The following FAF1 variants were observed in gnomAD, a reference collection of about 807,000 sequenced individuals.
FAF1 encodes the protein Fas associated factor 1.
A neutral mutation model predicts 92.5 loss-of-function variants in FAF1; 25 were observed. The observed-to-expected ratio is 0.27, with a 90% CI of 0.20 to 0.38. The LOEUF (loss-of-function observed/expected upper bound fraction) is 0.38, where lower values mean the gene tolerates loss of function less well. FAF1 is among the 10% of genes least tolerant of loss of function. The pLI is 1.00. For missense variants in FAF1, 636 were observed against 793.3 expected (o/e 0.80, Z 2.38); for synonymous variants, 234 against 273.2 (o/e 0.86, Z 1.42).
intron 18 of FAF1, among the ~76,000 whole-genome samples, chr1:50,454,666 A>G (rs1646331316): frequency 6.6e-6 from 1 of 152,230 alleles, no homozygotes; most frequent in Non-Finnish European, 1.5e-5. Context: ...CAGTGTTTAA[A>G]GTGGAATGCA....
chr1:50,587,784 T>C (rs908641435), intron 9 of FAF1, among the ~76,000 whole-genome samples: 1 of 152,206 alleles, frequency 6.6e-6, no homozygotes, highest in Non-Finnish European at 1.5e-5. Context: ...ACAGAGTGAT[T>C]AGTGCTATGA....
intron 8 of FAF1, among the ~76,000 whole-genome samples, chr1:50,635,601 T>C (rs1200155040): frequency 6.6e-6 from 1 of 152,134 alleles, no homozygotes. Flanking sequence ...AATTTTTGTA[T>C]TTTTGATAGA....
Position 50,439,626 on chromosome 1 carries a change from G to A in FAF1, c.*1814C>T, listed in dbSNP as rs962082104. The A allele has an allele frequency of 2.6e-5, 4 of 152,152 alleles. No homozygotes were observed. Among genetic ancestry groups the A allele is most frequent in the Non-Finnish European group, 4.4e-5 (3 of 68,028 alleles). 9.4% of individuals were successfully genotyped at this position (152,152 alleles called of 1,614,324 possible). ...CTCAAACCCCACCCACACCCCTGCTGCTGTTCCTGAGTATGACCTGAGTTC... is the reference window on the plus strand; with the variant it reads ...CTCAAACCCCACCCACACCCCTGCTACTGTTCCTGAGTATGACCTGAGTTC... On this transcript the variant is annotated 3_prime_UTR_variant, in exon 19 of 19. Transcript: ENST00000396153.
intron 8 of FAF1, among the ~76,000 whole-genome samples, chr1:50,637,470 A>G (rs1654087045): frequency 6.6e-6 from 1 of 151,818 alleles, no homozygotes; most frequent in East Asian, 2.0e-4. Flanking sequence ...GAAAACAAAA[A>G]AAAAAACCCA....
intron 1 of FAF1, among the ~76,000 whole-genome samples, chr1:50,874,912 G>A (rs1311220114): frequency 6.6e-6 from 1 of 151,324 alleles, no homozygotes; most frequent in African/African-American, 2.4e-5. Context: ...TGAGACTACA[G>A]CCATGGACCA....
At chr1:50,556,283 C>A (rs562387435) in intron 13 of FAF1, among the ~76,000 whole-genome samples, 3 of 150,198 alleles carry the variant, frequency 2.0e-5, no homozygotes, top group Admixed American at 2.0e-4. Context: ...CTGCAACAAC[C>A]TGGATGAAAC....
chr1:50,952,958 G>A (rs1463174765), intron 1 of FAF1, among the ~76,000 whole-genome samples: 1 of 152,262 alleles, frequency 6.6e-6, no homozygotes, highest in Non-Finnish European at 1.5e-5. Flanking sequence ...AGAAAAGGGG[G>A]AAATGTGGGG....
At chr1:50,502,651 G>C (rs1171888851) in intron 15 of FAF1, among the ~76,000 whole-genome samples, 3 of 152,276 alleles carry the variant, frequency 2.0e-5, no homozygotes, top group Middle Eastern at 3.4e-3. Flanking sequence ...TCAGCAGCCT[G>C]TTTTAAGATC....
intron 8 of FAF1, among the ~76,000 whole-genome samples, chr1:50,638,247 T>C (rs1220181781): frequency 6.6e-6 from 1 of 152,084 alleles, no homozygotes; most frequent in African/African-American, 2.4e-5. Flanking sequence ...ACTAAATATT[T>C]TGTAAAACAA....
At chr1:50,674,715 A>C (rs1656042571) in intron 7 of FAF1, among the ~76,000 whole-genome samples, 1 of 152,138 alleles carries the variant, frequency 6.6e-6, no homozygotes. Context: ...ACAGCCTGGC[A>C]ATCATAGCCA....
intron 15 of FAF1, among the ~76,000 whole-genome samples, chr1:50,512,118 C>A (rs1216980250): frequency 6.6e-6 from 1 of 152,034 alleles, no homozygotes; most frequent in African/African-American, 2.4e-5. Context: ...TGTTTAAGTT[C>A]TTTGTAGATT....
At chr1:50,587,624 C>A (rs554574601) in intron 9 of FAF1, among the ~76,000 whole-genome samples, 220 of 152,250 alleles carry the variant, frequency 1.4e-3, no homozygotes, top group African/African-American at 5.0e-3. Flanking sequence ...ATTTTAAAAA[C>A]AGCTAAAAAA....
At chr1:50,894,825 A>G (rs1644746026) in intron 1 of FAF1, among the ~76,000 whole-genome samples, 1 of 152,190 alleles carries the variant, frequency 6.6e-6, no homozygotes, top group African/African-American at 2.4e-5. Flanking sequence ...AACAAATAAT[A>G]ATAAAAACAC....
rs201575512 is a variant in FAF1 at position 50,490,584 on chromosome 1, C to G, written c.1653+4G>C. ...GAATAACTTTTCTTAAAATTATGCC[C>G]CACCTCACGTTCCTCTTCTTGTTCT... On this transcript the variant is annotated splice_donor_region_variant and intron_variant, in intron 17 of 18. Transcript: ENST00000396153. The G allele has an allele frequency of 7.4e-5, 118 of 1,596,102 alleles. No individual in the cohort carries two copies. In the African/African-American group the frequency reaches 1.5e-3, roughly 21 times the overall value.
intron 15 of FAF1, among the ~76,000 whole-genome samples, chr1:50,493,985 G>A (rs1646870681): frequency 6.6e-6 from 1 of 152,144 alleles, no homozygotes; most frequent in South Asian, 2.1e-4. Flanking sequence ...AGATATGAAA[G>A]GCCATCAAAT....
At chr1:50,956,931 A>G (rs1645271778) in intron 1 of FAF1, among the ~76,000 whole-genome samples, 1 of 152,218 alleles carries the variant, frequency 6.6e-6, no homozygotes. Context: ...CTGGGCAACA[A>G]GAGTGAAACT....
intron 1 of FAF1, among the ~76,000 whole-genome samples, chr1:50,889,503 G>T (rs1644700959): frequency 6.6e-6 from 1 of 152,124 alleles, no homozygotes; most frequent in African/African-American, 2.4e-5. Flanking sequence ...TGGGCATTTA[G>T]TGCTATAAAT....
chr1:50,907,925 G>T (rs1644853529), intron 1 of FAF1, among the ~76,000 whole-genome samples: 1 of 151,968 alleles, frequency 6.6e-6, no homozygotes, highest in South Asian at 2.1e-4. Flanking sequence ...TTTTGAATGT[G>T]TTTGCTCTTG....
chr1:50,731,187 T>C (rs1275407790), intron 6 of FAF1, among the ~76,000 whole-genome samples: 1 of 152,066 alleles, frequency 6.6e-6, no homozygotes, highest in African/African-American at 2.4e-5. Context: ...TGGTCACAGG[T>C]TGGACAACTA....
Sources: gnomAD v4.1 joint callset for allele counts (sites outside exome capture counted in the v4.1 genomes callset) on GRCh38, gnomAD v4.1.1 for gene constraint, MANE v1.5 for transcripts, NCBI Gene and HGNC (gene_info 2026-07-23, HGNC 2026-07-21) for gene names.